Variants in YEATS4 observed in about 807,000 individuals in gnomAD.
The protein encoded by YEATS4 is YEATS domain containing 4, also known as YEATS domain-containing protein 4.
YEATS4 carries 17 observed loss-of-function variants against 30.1 expected under a neutral mutation model. The observed-to-expected ratio is 0.56, with a 90% CI of 0.39 to 0.85. The LOEUF is 0.85. YEATS4 is among the 40% of genes least tolerant of loss of function. YEATS4 has a pLI of 0.00. For missense variants in YEATS4, 142 were observed against 268.3 expected, an observed-to-expected ratio of 0.53 and a Z score of 3.29; for synonymous variants, 85 against 87.5, an observed-to-expected ratio of 0.97 and a Z score of 0.16.
intron 2 of YEATS4, 34 bp downstream of exon 2, chr12:69,362,941 T>C: frequency 6.7e-7 from 1 of 1,495,608 alleles, no homozygotes; most frequent in South Asian, 1.4e-5. Flanking sequence ...CTGTTTTACT[T>C]AAAGTTGTCT....
the YEATS4 span, chr12:69,401,039 T>C: frequency 6.6e-6 from 1 of 152,130 alleles, no homozygotes; most frequent in African/African-American, 2.4e-5. Context: ...ATTAATGTGG[T>C]GACCTCCGGG....
the YEATS4 span, among the ~76,000 whole-genome samples, chr12:69,421,566 T>C: frequency 6.6e-6 from 1 of 152,122 alleles, no homozygotes; most frequent in South Asian, 2.1e-4. Flanking sequence ...GGTCAGGAAG[T>C]ACAGAGAGTT....
intron 6 of YEATS4, among the ~76,000 whole-genome samples, chr12:69,372,367 A>G (rs1328731468): frequency 6.6e-6 from 1 of 152,100 alleles, no homozygotes; most frequent in Non-Finnish European, 1.5e-5. Flanking sequence ...AGTTATTTTT[A>G]AATGTACAAT....
chr12:69,426,735 A>G, the YEATS4 span, among the ~76,000 whole-genome samples: 5 of 152,286 alleles, frequency 3.3e-5, no homozygotes, highest in East Asian at 3.9e-4. Context: ...TAAACATTCT[A>G]TTTGTTTAAG....
At chr12:69,400,213 TC>T in the YEATS4 span, among the ~76,000 whole-genome samples, 1 of 152,004 alleles carries the variant, frequency 6.6e-6, no homozygotes, top group African/African-American at 2.4e-5. Flanking sequence ...ACATCTCTTA[TC>T]CCCACTTAGC....
the YEATS4 span, among the ~76,000 whole-genome samples, chr12:69,415,580 T>C: frequency 6.6e-6 from 1 of 151,958 alleles, no homozygotes. Context: ...CAAACAGGTA[T>C]TTGGAGCAAG....
the YEATS4 span, among the ~76,000 whole-genome samples, chr12:69,415,118 A>T: frequency 6.1e-4 from 93 of 152,268 alleles, no homozygotes; most frequent in African/African-American, 2.2e-3. Flanking sequence ...CAGCACTTTG[A>T]CCTAGAAGCC....
the YEATS4 span, among the ~76,000 whole-genome samples, chr12:69,410,251 C>T: frequency 1.8e-3 from 281 of 152,312 alleles, no homozygotes; most frequent in East Asian, 4.8e-3. Context: ...TGCAGTCACT[C>T]CCTACTCCCA....
chr12:69,398,766 G>A, the YEATS4 span, among the ~76,000 whole-genome samples: 2 of 149,988 alleles, frequency 1.3e-5, no homozygotes, highest in African/African-American at 4.9e-5. Flanking sequence ...AGTGAGTCAG[G>A]ATCATGCTAC....
chr12:69,383,670 G>C (rs990572095), intron 6 of YEATS4, among the ~76,000 whole-genome samples: 3 of 152,148 alleles, frequency 2.0e-5, no homozygotes, highest in Non-Finnish European at 4.4e-5. Context: ...CCCAGTAATT[G>C]GATAGAGTAA....
At position 69,363,031 on chromosome 12, in the gene YEATS4, C is replaced by T. The variant is rs370822828; in HGVS notation, c.171+124C>T. 4.9e-5 allele frequency: 46 copies of T among 931,692 alleles called. No individual in the cohort carries two copies. In the African/African-American group the frequency reaches 5.5e-4, roughly 11 times the overall value. 57.7% of individuals were successfully genotyped at this position (931,692 alleles called of 1,614,324 possible). On this transcript the variant is annotated intron_variant, in intron 2 of 6. Coordinates refer to ENST00000247843, the MANE Select transcript of YEATS4 (RefSeq NM_006530.4). ...TTTTTGAGATGGAGTCTTGCTCTGT[C>T]GCCCAGGCTGGAGTGCAGTGGCGCG...
chr12:69,423,751 G>A, the YEATS4 span, among the ~76,000 whole-genome samples: 12 of 152,186 alleles, frequency 7.9e-5, no homozygotes, highest in African/African-American at 2.2e-4. Flanking sequence ...CTTCATCAAC[G>A]AGGAGGCCAA....
the YEATS4 span, among the ~76,000 whole-genome samples, chr12:69,424,351 G>A: frequency 6.6e-6 from 1 of 152,120 alleles, no homozygotes. Flanking sequence ...CAGGAGACAG[G>A]ATGCATACTC....
the YEATS4 span, among the ~76,000 whole-genome samples, chr12:69,414,696 G>A: frequency 1.3e-5 from 2 of 152,176 alleles, no homozygotes; most frequent in Admixed American, 1.3e-4. Flanking sequence ...ACGTCTGGAG[G>A]TAGGACAATG....
the YEATS4 span, among the ~76,000 whole-genome samples, chr12:69,403,576 CAAAAAAAAAA>C: frequency 1.1e-5 from 1 of 87,128 alleles, no homozygotes; most frequent in Non-Finnish European, 2.4e-5. Flanking sequence ...GACTCTGTCT[CAAAAAAAAAA>C]AAAAAGAAAA....
In YEATS4 at chr12:69,372,537, G is replaced by GTTTTTTTTTTTT. The variant is rs71094710; in HGVS notation, c.514+1566_514+1577dup. Among the ~76,000 whole-genome samples, 115 of 123,008 alleles carry GTTTTTTTTTTTT rather than the reference G, an allele frequency of 9.3e-4. 5 individuals are homozygous for GTTTTTTTTTTTT. The highest frequency in any genetic ancestry group is 3.4e-3 in the East Asian group (13 of 3,772). 80.7% of individuals were successfully genotyped at this position (123,008 alleles called of 152,430 possible). On this transcript the variant is annotated intron_variant, in intron 6 of 6. Coordinates refer to ENST00000247843, the MANE Select transcript of YEATS4 (RefSeq NM_006530.4). ...CTACTCTGTTTTCTGTATCTCATGA[G>GTTTTTTTTTTTT]TTTTTTTTTTTTTTTGAGACAGAGC...
chr12:69,415,116 T>A, the YEATS4 span, among the ~76,000 whole-genome samples: 3 of 152,250 alleles, frequency 2.0e-5, no homozygotes, highest in African/African-American at 7.2e-5. Context: ...AGCAGCACTT[T>A]GACCTAGAAG....
At chr12:69,414,090 A>T in the YEATS4 span, among the ~76,000 whole-genome samples, 333 of 152,338 alleles carry the variant, frequency 2.2e-3, no homozygotes, top group Admixed American at 3.9e-3. Context: ...GCTATTGCTC[A>T]TCTCACAAGA....
At chr12:69,398,818 A>G in the YEATS4 span, among the ~76,000 whole-genome samples, 1 of 128,942 alleles carries the variant, frequency 7.8e-6, no homozygotes, top group South Asian at 2.2e-4. Flanking sequence ...CTGTCTCAAA[A>G]AAAAAAAAAA....
Sources: gnomAD v4.1 joint callset for allele counts (sites outside exome capture counted in the v4.1 genomes callset) on GRCh38, gnomAD v4.1.1 for gene constraint, MANE v1.5 for transcripts, NCBI Gene and HGNC (gene_info 2026-07-23, HGNC 2026-07-21) for gene names.